Variants in SLC8A1 observed in about 807,000 individuals in gnomAD.
The protein encoded by SLC8A1 is solute carrier family 8 member A1.
A neutral mutation model predicts 68.3 loss-of-function variants in SLC8A1; 18 were observed. The observed-to-expected ratio is 0.26, with a 90% CI of 0.18 to 0.39. The LOEUF is 0.39. Among genes scored for constraint, SLC8A1 ranks in the 10% least tolerant of loss-of-function variants. SLC8A1 has a pLI of 1.00. For synonymous variants in SLC8A1, 475 were observed against 415.5 expected, an observed-to-expected ratio of 1.14 and a Z score of -1.74; for missense variants, 985 against 1,156.7, an observed-to-expected ratio of 0.85 and a Z score of 2.15.
intron 1 of SLC8A1, among the ~76,000 whole-genome samples, chr2:40,436,580 A>G (rs915990623): frequency 1.3e-5 from 2 of 152,110 alleles, no homozygotes; most frequent in Non-Finnish European, 2.9e-5. Flanking sequence ...CTTATTTTAT[A>G]TGCTCTGTTA....
chr2:40,234,797 T>C (rs2060150106), intron 2 of SLC8A1, among the ~76,000 whole-genome samples: 3 of 152,114 alleles, frequency 2.0e-5, no homozygotes, highest in Admixed American at 2.0e-4. Context: ...TTATTGAGAG[T>C]TCTTAGCATG....
intron 2 of SLC8A1, among the ~76,000 whole-genome samples, chr2:40,237,924 A>C (rs1054054551): frequency 2.6e-5 from 3 of 115,904 alleles, no homozygotes; most frequent in Non-Finnish European, 5.7e-5. Flanking sequence ...CTCGGGGGTC[A>C]GGGGTCAGGG....
At chr2:40,269,294 G>C (rs2065736612) in intron 2 of SLC8A1, among the ~76,000 whole-genome samples, 1 of 152,080 alleles carries the variant, frequency 6.6e-6, no homozygotes, top group Non-Finnish European at 1.5e-5. Context: ...TTCAAACTCA[G>C]GTCTTATGGT....
chr2:40,427,172 G>A lies in SLC8A1; in HGVS notation c.1808+1301C>T, dbSNP rs574953504. On this transcript the variant is annotated intron_variant, in intron 2 of 7. Coordinates refer to ENST00000406785, the Ensembl canonical transcript of SLC8A1. ...TTGATTTCATTGTGATATTGTACTC[G>A]ACACTACTTATCACTATAGTATAAC... Among the ~76,000 whole-genome samples the A allele has an allele frequency of 3.9e-5, 6 of 151,960 alleles. No homozygotes were observed. The East Asian group carries it at 9.7e-4, about 25-fold the overall frequency.
intron 6 of SLC8A1, among the ~76,000 whole-genome samples, chr2:40,151,170 T>C (rs983459547): frequency 6.6e-6 from 1 of 152,188 alleles, no homozygotes; most frequent in African/African-American, 2.4e-5. Flanking sequence ...TGTGTACAAA[T>C]ATGTGAAAGT....
At chr2:40,236,163 T>A in intron 2 of SLC8A1, among the ~76,000 whole-genome samples, 1 of 151,940 alleles carries the variant, frequency 6.6e-6, no homozygotes, top group Non-Finnish European at 1.5e-5. Context: ...CTTGTTGACT[T>A]TCTGTCTTGT....
chr2:40,422,609 C>G (rs1164545663), intron 2 of SLC8A1, among the ~76,000 whole-genome samples: 2 of 152,240 alleles, frequency 1.3e-5, no homozygotes, highest in East Asian at 1.9e-4. Context: ...AGCAATAACT[C>G]TTGAGAAAAT....
exon 8 of SLC8A1, chr2:40,105,493 T>C (rs1025655433): frequency 1.3e-5 from 2 of 152,190 alleles, no homozygotes; most frequent in African/African-American, 4.8e-5. Flanking sequence ...GCAATTATTA[T>C]TTTCATTTTA....
At chr2:40,402,747 T>C (rs1250151971) in intron 2 of SLC8A1, among the ~76,000 whole-genome samples, 1 of 152,224 alleles carries the variant, frequency 6.6e-6, no homozygotes, top group Non-Finnish European at 1.5e-5. Context: ...CCACCCAATC[T>C]TGTTTTCCAT....
In SLC8A1 at chr2:40,427,430, C is replaced by A. The variant is rs1458550769; in HGVS notation, c.1808+1043G>T. Reference sequence around the variant, plus strand: ...CCCTGAAATTTCTAAATGTCCAGTGCTTCAACCAACATAATCATTCATTTT... The same window carrying A: ...CCCTGAAATTTCTAAATGTCCAGTGATTCAACCAACATAATCATTCATTTT... On this transcript the variant is annotated intron_variant, in intron 2 of 7. Coordinates refer to ENST00000406785, the Ensembl canonical transcript of SLC8A1. Among the ~76,000 whole-genome samples the A allele has an allele frequency of 2.0e-5, 3 of 152,080 alleles. 1 individual carries two copies. The highest frequency in any genetic ancestry group is 2.0e-4 in the Admixed American group (3 of 15,222).
At chr2:40,255,327 G>T (rs2063734473) in intron 2 of SLC8A1, 2 of 152,126 alleles carry the variant, frequency 1.3e-5, no homozygotes, top group Admixed American at 1.3e-4. Flanking sequence ...GCAGCCCATG[G>T]CAGGGATACA....
chr2:40,503,220 T>C (rs1706153182), intron 1 of SLC8A1, among the ~76,000 whole-genome samples: 1 of 152,070 alleles, frequency 6.6e-6, no homozygotes, highest in African/African-American at 2.4e-5. Context: ...TTTGTCTTAA[T>C]TTTCCCTTTT....
At chr2:40,485,436 C>T (rs1426039622) in intron 1 of SLC8A1, among the ~76,000 whole-genome samples, 1 of 152,124 alleles carries the variant, frequency 6.6e-6, no homozygotes, top group Non-Finnish European at 1.5e-5. Context: ...AAGCAACATG[C>T]TTTTTCCTTC....
intron 6 of SLC8A1, among the ~76,000 whole-genome samples, chr2:40,142,516 A>G (rs766379783): frequency 1.3e-5 from 2 of 152,246 alleles, no homozygotes; most frequent in African/African-American, 4.8e-5. Flanking sequence ...ATTTTAATCA[A>G]TCATTCACAG....
intron 2 of SLC8A1, among the ~76,000 whole-genome samples, chr2:40,404,664 C>T (rs1479720861): frequency 6.6e-6 from 1 of 152,150 alleles, no homozygotes; most frequent in African/African-American, 2.4e-5. Flanking sequence ...GGTGCCATTT[C>T]TCGCATTTTC....
chr2:40,457,181 G>C (rs972828738), intron 1 of SLC8A1, among the ~76,000 whole-genome samples: 4 of 151,994 alleles, frequency 2.6e-5, no homozygotes, highest in Admixed American at 2.6e-4. Context: ...TTTCTGTAGG[G>C]CGTAAACTTC....
intron 1 of SLC8A1, among the ~76,000 whole-genome samples, chr2:40,458,081 G>T (rs1247657490): frequency 1.3e-5 from 2 of 152,192 alleles, no homozygotes; most frequent in Non-Finnish European, 2.9e-5. Context: ...CTATGATTCA[G>T]CCAGGGCTGA....
In SLC8A1 at chr2:40,153,884, C is replaced by T. The variant is rs1459335031; in HGVS notation, c.2161+6881G>A. Among the ~76,000 whole-genome samples the T allele has an allele frequency of 5.3e-5, 8 of 152,314 alleles. No individual in the cohort carries two copies. The East Asian group carries it at 1.5e-3, about 29-fold the overall frequency. On this transcript the variant is annotated intron_variant, in intron 6 of 7. Coordinates refer to ENST00000406785, the Ensembl canonical transcript of SLC8A1. ...GGTCCTTCTGCACTTCTGTCCCAGG[C>T]TTGCACACTCATTTCCAAACCCTTA...
intron 2 of SLC8A1, among the ~76,000 whole-genome samples, chr2:40,280,701 T>C (rs1046200254): frequency 5.3e-5 from 8 of 152,036 alleles, no homozygotes; most frequent in South Asian, 2.1e-4. Context: ...GTCACAGATA[T>C]AAATACAGAA....
Sources: gnomAD v4.1 joint callset for allele counts (sites outside exome capture counted in the v4.1 genomes callset) on GRCh38, gnomAD v4.1.1 for gene constraint, MANE v1.5 for transcripts, NCBI Gene and HGNC (gene_info 2026-07-23, HGNC 2026-07-21) for gene names.